Variants in USP9X observed in about 807,000 individuals in gnomAD.
The protein encoded by USP9X is ubiquitin carboxyl-terminal hydrolase 9X.
A neutral mutation model predicts 190.3 loss-of-function variants in USP9X; 7 were observed. The ratio of observed to expected loss-of-function variants is 0.04; its 90% confidence interval spans 0.02 to 0.07. The LOEUF is 0.07. Among genes scored for constraint, USP9X ranks in the 10% least tolerant of loss-of-function variants. The pLI, the probability that USP9X is intolerant of heterozygous loss-of-function variation, is 1.00. For synonymous variants in USP9X, 645 were observed against 659.5 expected, an observed-to-expected ratio of 0.98 and a Z score of 0.34; for missense variants, 1,010 against 1,916.9, an observed-to-expected ratio of 0.53 and a Z score of 8.83.
chrX:41,099,916 C>G (rs182011804), intron 1 of USP9X, among the ~76,000 whole-genome samples: 3 of 111,705 alleles, frequency 2.7e-5, no homozygotes, highest in East Asian at 2.8e-4. Flanking sequence ...ACTCTCTACC[C>G]TCTTCTAATT....
chrX:41,125,670 ACACACACACACACACTCT>A (rs1281612207), intron 2 of USP9X, among the ~76,000 whole-genome samples: 29 of 58,853 alleles, frequency 4.9e-4, no homozygotes, highest in African/African-American at 1.9e-3. Context: ...ACACACACAC[ACACACACACACACACTCT>A]CTCTCTCTCT....
At chrX:41,107,304 C>T (rs182104562) in intron 1 of USP9X, among the ~76,000 whole-genome samples, 1 of 112,581 alleles carries the variant, frequency 8.9e-6, no homozygotes, top group African/African-American at 3.2e-5. Context: ...CAGGCGTGAG[C>T]CACTGCGCTT....
At chrX:41,093,461 C>T (rs1243656979) in intron 1 of USP9X, among the ~76,000 whole-genome samples, 3 of 112,149 alleles carry the variant, frequency 2.7e-5, no homozygotes, top group African/African-American at 6.5e-5. Flanking sequence ...TCTCCTGCCT[C>T]GGCCTCCTGA....
chrX:41,125,684 A>ACACACACACACACACACACACCCTCT, intron 2 of USP9X, among the ~76,000 whole-genome samples: 1 of 19,027 alleles, frequency 5.3e-5, no homozygotes, highest in Non-Finnish European at 9.0e-5. Context: ...ACACACACAC[A>ACACACACACACACACACACACCCTCT]CTCTCTCTCT....
At chrX:41,225,613 A>C (rs1679920442) in intron 41 of USP9X, among the ~76,000 whole-genome samples, 1 of 112,519 alleles carries the variant, frequency 8.9e-6, no homozygotes, top group South Asian at 3.6e-4. Flanking sequence ...CTGAGTTAGC[A>C]AATACTGAAC....
At chrX:41,225,579 T>C (rs778562908) in intron 41 of USP9X, among the ~76,000 whole-genome samples, 60 of 112,576 alleles carry the variant, frequency 5.3e-4, no homozygotes, top group South Asian at 2.5e-3. Context: ...ATGGTACTTA[T>C]ATTCTGTAAA....
In USP9X at chrX:41,234,959, C is replaced by T. The variant is rs1253117429; in HGVS notation, c.*2435C>T. 1 of 112,415 alleles carries T rather than the reference C, an allele frequency of 8.9e-6. No homozygotes were observed. The highest frequency in any genetic ancestry group is 3.2e-5 in the African/African-American group (1 of 30,852). 9.3% of individuals were successfully genotyped at this position (112,415 alleles called of 1,213,427 possible). A position where few individuals can be genotyped will look rare whatever the true frequency, so the allele number is the denominator to read the frequency against. On this transcript the variant is annotated 3_prime_UTR_variant, in exon 45 of 45. Transcript: ENST00000378308. Reference sequence around the variant, plus strand: ...TTTGGATGAGTTAGGTGTACCATCTCACCATCTGAGAGGAGATTTATATAT... The same window carrying T: ...TTTGGATGAGTTAGGTGTACCATCTTACCATCTGAGAGGAGATTTATATAT...
rs3788877 is a variant in USP9X at position 41,198,879 on chromosome X, G to A, written c.4603+129G>A. 78,209 of 657,065 alleles carry A rather than the reference G, an allele frequency of 0.12. 3,962 individuals are homozygous for A. The highest frequency in any genetic ancestry group is 0.25 in the Admixed American group (7,462 of 29,958). 54.1% of individuals were successfully genotyped at this position (657,065 alleles called of 1,213,427 possible). On this transcript the variant is annotated intron_variant, in intron 30 of 44. Coordinates refer to ENST00000378308, the MANE Select transcript of USP9X (RefSeq NM_001039591.3). ...GTAACTAGTTTAACATTTTTAGTGA[G>A]TGAATGAACAGTTAAGACCATTATA...
At chrX:41,109,509 A>G (rs2062093404) in intron 1 of USP9X, among the ~76,000 whole-genome samples, 1 of 112,402 alleles carries the variant, frequency 8.9e-6, no homozygotes. Context: ...TGCTGCCACA[A>G]AGAATTTTGA....
At chrX:41,219,257 C>A in intron 38 of USP9X, 26 bp downstream of exon 38, 1 of 1,187,340 alleles carries the variant, frequency 8.4e-7, no homozygotes. Flanking sequence ...TTTCAGAATT[C>A]TGTTTTGATG....
intron 13 of USP9X, among the ~76,000 whole-genome samples, chrX:41,152,694 A>G (rs1019881982): frequency 8.9e-6 from 1 of 112,059 alleles, no homozygotes; most frequent in Non-Finnish European, 1.9e-5. Context: ...GACATTAGTC[A>G]TTGAGGTATA....
At chrX:41,100,549 T>C (rs1334093384) in intron 1 of USP9X, among the ~76,000 whole-genome samples, 1 of 112,353 alleles carries the variant, frequency 8.9e-6, no homozygotes, top group Non-Finnish European at 1.9e-5. Flanking sequence ...TTTTGCCTCC[T>C]GTCTTGCATT....
intron 14 of USP9X, among the ~76,000 whole-genome samples, chrX:41,154,076 T>G (rs913472749): frequency 1.5e-4 from 17 of 111,968 alleles, no homozygotes; most frequent in African/African-American, 5.5e-4. Flanking sequence ...ACATAAAAAT[T>G]AAGTAACTCT....
chrX:41,086,444 C>A (rs1325465601), intron 1 of USP9X, among the ~76,000 whole-genome samples: 4 of 112,349 alleles, frequency 3.6e-5, no homozygotes, highest in African/African-American at 1.3e-4. Context: ...GGCGGGCAGC[C>A]CCCCCGCCGT....
Position 41,210,582 on chromosome X carries a change from T to C in USP9X, c.5089T>C (p.Leu1697=). The C allele has an allele frequency of 4.1e-6, 5 of 1,211,626 alleles. No homozygotes were observed. Among genetic ancestry groups the C allele is most frequent in the Non-Finnish European group, 4.5e-6 (4 of 895,455 alleles). Residue 1697 remains leucine, a synonymous_variant, in exon 33 of 45, where the codon TTA becomes CTA. Transcript: ENST00000378308. ...LEFFNSLVDS[L]DEALKALGHP... is the part of the protein sequence containing the mutation. ...ATTTTTTAATTCATTGGTGGATAGT[T>C]TAGATGAAGCTTTAAAAGCTTTAGG...
chrX:41,126,642 C>T (rs2062255805), intron 2 of USP9X, among the ~76,000 whole-genome samples: 1 of 111,691 alleles, frequency 9.0e-6, no homozygotes, highest in Non-Finnish European at 1.9e-5. Context: ...CTTCTAAAAA[C>T]TTTACATTTT....
At chrX:41,116,777 C>CT (rs11420684) in intron 1 of USP9X, among the ~76,000 whole-genome samples, 21,376 of 110,535 alleles carry the variant, frequency 0.19, 1,617 homozygotes, top group Admixed American at 0.26. Context: ...TCATGGCTTT[C>CT]TTTTTTTTGT....
intron 12 of USP9X, among the ~76,000 whole-genome samples, chrX:41,149,221 A>G (rs2062499654): frequency 8.9e-6 from 1 of 112,151 alleles, no homozygotes; most frequent in South Asian, 3.7e-4. Context: ...AGCAAATTAA[A>G]TAGTAATAAG....
chrX:41,162,292 G>C (rs749654740), intron 14 of USP9X, among the ~76,000 whole-genome samples: 1 of 112,415 alleles, frequency 8.9e-6, no homozygotes, highest in East Asian at 2.8e-4. Flanking sequence ...CATTAACATG[G>C]TAATGGTGAC....
Sources: gnomAD v4.1 joint callset for allele counts (sites outside exome capture counted in the v4.1 genomes callset) on GRCh38, gnomAD v4.1.1 for gene constraint, MANE v1.5 for transcripts, NCBI Gene and HGNC (gene_info 2026-07-23, HGNC 2026-07-21) for gene names.